Variants in MAP2 observed in about 807,000 individuals in gnomAD.
MAP2 encodes the protein microtubule-associated protein 2.
A neutral mutation model predicts 137.6 loss-of-function variants in MAP2; 14 were observed. The ratio of observed to expected loss-of-function variants is 0.10; its 90% CI spans 0.07 to 0.16. The LOEUF (loss-of-function observed/expected upper bound fraction) is 0.16, where lower values mean the gene tolerates loss of function less well. MAP2 is among the 10% of genes least tolerant of loss of function. The pLI is 1.00. For missense variants in MAP2, 2,088 were observed against 2,191.5 expected (o/e 0.95, Z 0.94); for synonymous variants, 786 against 782.3 (o/e 1.00, Z -0.08).
chr2:209,696,835 T>A, intron 9 of MAP2, 82 bp from the exon 10 acceptor site: 1 of 1,540,724 alleles, frequency 6.5e-7, no homozygotes, highest in Non-Finnish European at 8.8e-7. Context: ...TGGTAACTAA[T>A]TATTTATAAA....
At chr2:209,472,336 C>T (rs964748638) in intron 1 of MAP2, among the ~76,000 whole-genome samples, 1 of 152,038 alleles carries the variant, frequency 6.6e-6, no homozygotes, top group African/African-American at 2.4e-5. Context: ...AAATGGGTCC[C>T]TTAGGATTGT....
intron 4 of MAP2, among the ~76,000 whole-genome samples, chr2:209,635,869 A>G (rs1267311035): frequency 6.6e-6 from 1 of 152,124 alleles, no homozygotes; most frequent in Non-Finnish European, 1.5e-5. Context: ...CAAAGGGAAG[A>G]AAACTGGCCT....
chr2:209,551,744 CCAGAG>C (rs1350952395), intron 2 of MAP2, among the ~76,000 whole-genome samples: 40 of 152,138 alleles, frequency 2.6e-4, no homozygotes, highest in African/African-American at 9.6e-4. Context: ...TCTGGGGAAA[CCAGAG>C]TATAGTATGG....
At chr2:209,540,824 A>G (rs2066892266) in intron 2 of MAP2, among the ~76,000 whole-genome samples, 1 of 150,378 alleles carries the variant, frequency 6.6e-6, no homozygotes, top group Non-Finnish European at 1.5e-5. Context: ...TGAGATCCTC[A>G]ATCTACTGTA....
At chr2:209,500,685 A>G (rs2060267470) in intron 1 of MAP2, among the ~76,000 whole-genome samples, 1 of 152,084 alleles carries the variant, frequency 6.6e-6, no homozygotes, top group South Asian at 2.1e-4. Context: ...CTTTAAGGTT[A>G]AAGAACATTG....
chr2:209,428,923 T>TTTTATTTTATTTA (rs1553535314), intron 1 of MAP2, among the ~76,000 whole-genome samples: 1 of 146,346 alleles, frequency 6.8e-6, no homozygotes, highest in Non-Finnish European at 1.5e-5. Context: ...CTTTATTTTA[T>TTTTATTTTATTTA]TTTATTTATT....
At chr2:209,641,261 T>A (rs767091458) in intron 4 of MAP2, among the ~76,000 whole-genome samples, 2 of 152,192 alleles carry the variant, frequency 1.3e-5, no homozygotes, top group Non-Finnish European at 2.9e-5. Context: ...GGTATTTTGT[T>A]AAGTGAACCT....
In MAP2 at chr2:209,488,707, A is replaced by G. The variant is rs189082663; in HGVS notation, c.-221-18885A>G. On this transcript the variant is annotated intron_variant, in intron 1 of 15. Transcript: ENST00000682079. ...CTGGGCAGAGCCCACCACAGTGCCA[A>G]AAAGCCACTGTAGCAAGACTGCCTC... 1.8e-3 allele frequency among the ~76,000 whole-genome samples: 267 copies of G among 152,306 alleles called. 1 individual carries two copies. The highest frequency in any genetic ancestry group is 6.2e-3 in the African/African-American group (257 of 41,578).
intron 3 of MAP2, among the ~76,000 whole-genome samples, chr2:209,621,254 T>TTGA (rs2091063605): frequency 6.8e-6 from 1 of 148,030 alleles, no homozygotes; most frequent in African/African-American, 2.6e-5. Flanking sequence ...TTCAGGCATC[T>TTGA]TGATTTTTTT....
chr2:209,667,879 G>C (rs1464673477), intron 5 of MAP2, among the ~76,000 whole-genome samples: 1 of 151,890 alleles, frequency 6.6e-6, no homozygotes, highest in Non-Finnish European at 1.5e-5. Flanking sequence ...TTTTCTATCT[G>C]CTTCCCCAAT....
intron 5 of MAP2, among the ~76,000 whole-genome samples, chr2:209,657,013 G>A (rs34931377): frequency 0.031 from 4,705 of 152,208 alleles, 111 homozygotes; most frequent in Non-Finnish European, 0.05. Flanking sequence ...ACACTTGTAA[G>A]TGAGAACGTA....
chr2:209,659,731 G>GT (rs1026327762), intron 5 of MAP2, among the ~76,000 whole-genome samples: 3 of 149,142 alleles, frequency 2.0e-5, no homozygotes, highest in Non-Finnish European at 4.5e-5. Flanking sequence ...GTGAACACTA[G>GT]TAAAAAAAAA....
chr2:209,611,544 A>G (rs1234100601), intron 3 of MAP2, among the ~76,000 whole-genome samples: 4 of 152,100 alleles, frequency 2.6e-5, no homozygotes, highest in Admixed American at 2.6e-4. Flanking sequence ...TTGGCCACAT[A>G]GAGATCTGGC....
intron 2 of MAP2, among the ~76,000 whole-genome samples, chr2:209,510,150 G>A (rs913624319): frequency 2.0e-5 from 3 of 151,528 alleles, no homozygotes; most frequent in Non-Finnish European, 4.4e-5. Context: ...TGGTTTTTCT[G>A]ATCTACTTCT....
intron 4 of MAP2, among the ~76,000 whole-genome samples, chr2:209,627,715 T>C (rs1244460590): frequency 6.6e-6 from 1 of 152,142 alleles, no homozygotes; most frequent in Admixed American, 6.6e-5. Flanking sequence ...TGAGGTCCAG[T>C]GTTAGGAAAG....
At chr2:209,685,829 A>G (rs1341206365) in intron 7 of MAP2, among the ~76,000 whole-genome samples, 1 of 152,186 alleles carries the variant, frequency 6.6e-6, no homozygotes, top group Non-Finnish European at 1.5e-5. Context: ...GACAACAAGA[A>G]AGAGGTGGCC....
intron 1 of MAP2, among the ~76,000 whole-genome samples, chr2:209,501,324 A>G (rs992829758): frequency 2.6e-5 from 4 of 152,118 alleles, no homozygotes; most frequent in South Asian, 2.1e-4. Flanking sequence ...GATGTCTGCT[A>G]TTTTCATCTT....
chr2:209,729,134 A>G (rs2239552), intron 14 of MAP2, among the ~76,000 whole-genome samples: 1 of 152,182 alleles, frequency 6.6e-6, no homozygotes, highest in East Asian at 1.9e-4. Context: ...TCAGCAGATC[A>G]GAGTTCTAGA....
Position 209,691,873 on chromosome 2 carries a change from C to T in MAP2, c.455-752C>T, listed in dbSNP as rs1373150569. ...GTAATTCAGATTTTCTTATATCTAC[C>T]GTACAGACTAAGTAATGATTAGGAA... is the stretch of plus-strand genomic sequence containing the variant. On this transcript the variant is annotated intron_variant, in intron 7 of 15. Transcript: ENST00000682079. 5.3e-5 allele frequency among the ~76,000 whole-genome samples: 8 copies of T among 151,984 alleles called. No homozygotes were observed. In the South Asian group the frequency reaches 1.0e-3, roughly 20 times the overall value.
Sources: gnomAD v4.1 joint callset for allele counts (sites outside exome capture counted in the v4.1 genomes callset) on GRCh38, gnomAD v4.1.1 for gene constraint, MANE v1.5 for transcripts, NCBI Gene and HGNC (gene_info 2026-07-23, HGNC 2026-07-21) for gene names.